Variants in FBN2 observed in about 807,000 individuals in gnomAD.
FBN2 encodes the protein fibrillin 2.
A neutral mutation model predicts 355.6 loss-of-function variants in FBN2; 105 were observed. The observed-to-expected ratio is 0.30, with a 90% CI of 0.25 to 0.35. FBN2 has a LOEUF of 0.35. Among genes scored for constraint, FBN2 ranks in the 10% least tolerant of loss-of-function variants. The probability of loss-of-function intolerance (pLI) is 1.00; values close to 1 mark genes in which losing one functional copy is unlikely to be tolerated. For synonymous variants in FBN2, 1,350 were observed against 1,301.2 expected, an observed-to-expected ratio of 1.04 and a Z score of -0.81; for missense variants, 3,280 against 3,758.7, an observed-to-expected ratio of 0.87 and a Z score of 3.33.
At chr5:128,427,380 C>A (rs749398841) in intron 7 of FBN2, among the ~76,000 whole-genome samples, 2 of 152,012 alleles carry the variant, frequency 1.3e-5, no homozygotes, top group Non-Finnish European at 2.9e-5. Context: ...AATATAGCAC[C>A]TTACCATTAT....
intron 48 of FBN2, among the ~76,000 whole-genome samples, chr5:128,292,656 CGCT>C (rs1561752364): frequency 6.6e-6 from 1 of 152,208 alleles, no homozygotes; most frequent in Non-Finnish European, 1.5e-5. Flanking sequence ...AATGGCTCCA[CGCT>C]GACCGCAGGC....
chr5:128,533,555 G>A (rs983960604), intron 2 of FBN2, among the ~76,000 whole-genome samples: 1 of 152,232 alleles, frequency 6.6e-6, no homozygotes, highest in East Asian at 1.9e-4. Flanking sequence ...GCTGTGAGAA[G>A]TCACATGGCC....
chr5:128,305,976 T>C (rs1749863377), intron 42 of FBN2, 28 bp from the exon 43 acceptor site: 2 of 1,605,158 alleles, frequency 1.2e-6, no homozygotes, highest in Non-Finnish European at 8.5e-7. Flanking sequence ...TGGTCAAATA[T>C]ATGTTGTTCT....
intron 5 of FBN2, among the ~76,000 whole-genome samples, chr5:128,500,380 C>T (rs1301211787): frequency 6.6e-6 from 1 of 150,504 alleles, no homozygotes; most frequent in Non-Finnish European, 1.5e-5. Flanking sequence ...GTCATAACCC[C>T]TCTTCCCTCA....
rs754444318 is a variant in FBN2, at chr5:128,351,025, G to T, written c.2675-20C>A. The T allele has an allele frequency of 6.2e-7, 1 of 1,614,068 alleles. No homozygotes were observed. Among genetic ancestry groups the T allele is most frequent in the Non-Finnish European group, 8.5e-7 (1 of 1,179,936 alleles). On this transcript the variant is annotated intron_variant, in intron 20 of 64. Transcript: ENST00000262464. ...GGCTGTCTGAAAAGGAACAGGAAAG[G>T]TTGGGGAGCTCTTACCTCTGAAGAA...
rs184408568 is a variant in FBN2 at position 128,484,222 on chromosome 5, G to C, written c.629-19301C>G. 4.5e-3 allele frequency among the ~76,000 whole-genome samples: 680 copies of C among 152,254 alleles called. 6 individuals carry two copies. Among genetic ancestry groups the C allele is most frequent in the South Asian group, 0.015 (70 of 4,818 alleles). ...CTTCTAAGTTATTACTTATGCATTA[G>C]ATGAAGGATATTATTTTCACGTACT... is the stretch of plus-strand genomic sequence containing the variant. On this transcript the variant is annotated intron_variant, in intron 5 of 64. Coordinates refer to ENST00000262464, the MANE Select transcript of FBN2 (RefSeq NM_001999.4).
At chr5:128,492,441 G>C (rs147644940) in intron 5 of FBN2, among the ~76,000 whole-genome samples, 6 of 152,272 alleles carry the variant, frequency 3.9e-5, no homozygotes, top group Admixed American at 3.9e-4. Context: ...TAACTATCAT[G>C]GAACTATTTC....
intron 14 of FBN2, among the ~76,000 whole-genome samples, chr5:128,376,046 A>G (rs1184356724): frequency 6.6e-6 from 1 of 152,116 alleles, no homozygotes. Flanking sequence ...AAAAATAAAT[A>G]AATTTAAAAA....
chr5:128,307,044 T>G, intron 42 of FBN2, 91 bp downstream of exon 42: 1 of 833,156 alleles, frequency 1.2e-6, no homozygotes, highest in East Asian at 2.4e-5. Flanking sequence ...TATTATATTT[T>G]GTGGTACTCT....
intron 15 of FBN2, among the ~76,000 whole-genome samples, chr5:128,369,822 C>T (rs1258969066): frequency 6.6e-6 from 1 of 152,148 alleles, no homozygotes; most frequent in Admixed American, 6.5e-5. Context: ...TTCTTTTCAA[C>T]CCCCAGGATA....
intron 7 of FBN2, among the ~76,000 whole-genome samples, chr5:128,413,717 C>A (rs1753125861): frequency 6.6e-6 from 1 of 151,878 alleles, no homozygotes; most frequent in African/African-American, 2.4e-5. Flanking sequence ...GTACATGTCA[C>A]AGAAAAAAAG....
At chr5:128,483,743 G>A (rs1199207907) in intron 5 of FBN2, among the ~76,000 whole-genome samples, 1 of 151,720 alleles carries the variant, frequency 6.6e-6, no homozygotes, top group African/African-American at 2.4e-5. Context: ...GTGGGGGGTG[G>A]CATGTCAAGG....
Position 128,311,431 on chromosome 5 carries a change from A to G in FBN2, c.4949-6T>C. ...CTCCTGGCATTCGTCAATGTCTACAAAAAGGGAGACAGTGCACTTAAAACA... is the reference window on the plus strand; with the variant it reads ...CTCCTGGCATTCGTCAATGTCTACAGAAAGGGAGACAGTGCACTTAAAACA... On this transcript the variant is annotated splice_region_variant and splice_polypyrimidine_tract_variant and intron_variant, in intron 38 of 64. Coordinates refer to ENST00000262464, the MANE Select transcript of FBN2 (RefSeq NM_001999.4). 2 of 1,613,902 alleles carry G rather than the reference A, an allele frequency of 1.2e-6. No individual in the cohort carries two copies. Among genetic ancestry groups the G allele is most frequent in the East Asian group, 4.5e-5 (2 of 44,872 alleles).
rs760911952 is a variant in FBN2, at chr5:128,273,871, G to C, written c.7809C>G (p.Phe2603Leu). 2 of 1,613,820 alleles carry C rather than the reference G, an allele frequency of 1.2e-6. No individual in the cohort carries two copies. Among genetic ancestry groups the C allele is most frequent in the Non-Finnish European group, 1.7e-6 (2 of 1,179,898 alleles). The part of the protein sequence containing the change: ...GSFSCECQRG[F>L]SLDATGLNCE... ...AGTTCAGTCCGGTGGCATCAAGAGA[G>C]AACCCTCTTTGGCATTCACAGCTGA... The change falls in exon 61 of 65, where the codon TTC becomes TTG. Residue 2603 changes from phenylalanine to leucine, a missense_variant. By Grantham distance (22) the Phe-to-Leu change is conservative (BLOSUM62 0). Around this residue, in one of 6 missense-constraint regions of FBN2, gnomAD observed 2,284 missense variants for 2,749.5 expected, o/e 0.83. Coordinates refer to ENST00000262464, the MANE Select transcript of FBN2 (RefSeq NM_001999.4).
intron 46 of FBN2, 127 bp downstream of exon 46, chr5:128,302,846 A>G (rs943931191): frequency 1.1e-5 from 8 of 712,200 alleles, no homozygotes; most frequent in Middle Eastern, 2.5e-4. Context: ...ATGAAATTAT[A>G]TATCTTTTGG....
intron 58 of FBN2, among the ~76,000 whole-genome samples, chr5:128,277,274 G>A (rs540109366): frequency 7.9e-5 from 12 of 152,230 alleles, no homozygotes; most frequent in African/African-American, 2.6e-4. Context: ...TCTGCCCCAC[G>A]ACTGTCATAT....
chr5:128,310,909 C>T (rs1226628273), intron 39 of FBN2, among the ~76,000 whole-genome samples: 2 of 152,106 alleles, frequency 1.3e-5, no homozygotes, highest in Non-Finnish European at 2.9e-5. Flanking sequence ...TGAACTTCTT[C>T]ATACCATATA....
intron 36 of FBN2, among the ~76,000 whole-genome samples, chr5:128,314,635 C>T (rs1016496452): frequency 2.6e-5 from 4 of 152,024 alleles, no homozygotes; most frequent in African/African-American, 9.7e-5. Flanking sequence ...TTATTTATTC[C>T]TCATTTATTC....
chr5:128,518,238 A>T (rs527421571), intron 5 of FBN2, among the ~76,000 whole-genome samples: 49 of 152,174 alleles, frequency 3.2e-4, no homozygotes, highest in African/African-American at 1.1e-3. Context: ...GAATCCTTGA[A>T]ACATAAATAT....
Sources: gnomAD v4.1 joint callset for allele counts (sites outside exome capture counted in the v4.1 genomes callset) on GRCh38, gnomAD v4.1.1 for gene constraint, gnomAD v4.1.1 regional missense constraint, MANE v1.5 for transcripts, NCBI Gene and HGNC (gene_info 2026-07-23, HGNC 2026-07-21) for gene names.